ZSCAN2: variants seen among roughly 807,000 people sequenced by gnomAD.
ZSCAN2 encodes zinc finger and SCAN domain containing 2.
Under a neutral mutation model 47.8 loss-of-function variants are expected in ZSCAN2, and 26 were observed. That is an observed-to-expected ratio of 0.54 (90% CI 0.40 to 0.75). The LOEUF is 0.75. Ranked by LOEUF, ZSCAN2 falls within the 30% of genes least tolerant of loss-of-function variation. The probability of loss-of-function intolerance (pLI) is 0.00; values close to 1 mark genes in which losing one functional copy is unlikely to be tolerated. For missense variants in ZSCAN2, 732 were observed against 785.4 expected (o/e 0.93, Z 0.81); for synonymous variants, 305 against 288.7 (o/e 1.06, Z -0.57).
At chr15:84,615,752 T>A (rs1205075420) in intron 2 of ZSCAN2, among the ~76,000 whole-genome samples, 1 of 152,208 alleles carries the variant, frequency 6.6e-6, no homozygotes, top group Non-Finnish European at 1.5e-5. Flanking sequence ...CCTATTCCCA[T>A]TGCGCTCCTT....
chr15:84,622,242 T>C lies in ZSCAN2; in HGVS notation c.*202T>C. 1 of 604,960 alleles carries C rather than the reference T, an allele frequency of 1.7e-6. No homozygotes were observed. Among genetic ancestry groups the C allele is most frequent in the Non-Finnish European group, 3.0e-6 (1 of 337,892 alleles). The allele number at this position is 604,960 out of a possible 1,614,324, so 37.5% of individuals were successfully genotyped here. A position where few individuals can be genotyped will look rare whatever the true frequency, so the allele number is the denominator to read the frequency against. On this transcript the variant is annotated 3_prime_UTR_variant, in exon 3 of 3. Transcript: ENST00000546148. ...CCCGTATACATTCAAGAACAGGGCATAGGCGTGGAAGGTCTGGAAAGTTGG... is the reference window on the plus strand; with the variant it reads ...CCCGTATACATTCAAGAACAGGGCACAGGCGTGGAAGGTCTGGAAAGTTGG...
In ZSCAN2 at chr15:84,621,412, T is replaced by C. The variant is rs202006776; in HGVS notation, c.1217T>C (p.Ile406Thr). 1.6e-4 allele frequency: 265 copies of C among 1,613,860 alleles called. No homozygotes were observed. The highest frequency in any genetic ancestry group is 9.9e-4 in the Middle Eastern group (6 of 6,062). Residue 406 changes from isoleucine to threonine, a missense_variant, in exon 3 of 3, where the codon ATC becomes ACC. This residue lies in a region of ZSCAN2 where 412 missense variants were observed against 498.0 expected (regional missense o/e 0.83). Coordinates refer to ENST00000546148, the MANE Select transcript of ZSCAN2 (RefSeq NM_181877.4). The surrounding 1 kb of genome is among the most constrained non-coding windows in gnomAD (Gnocchi z 5.7). Reference protein sequence around the residue: ...GQRFSQSSALITHRRTHTGEK... With the variant: ...GQRFSQSSALTTHRRTHTGEK... ...AGGTTCAGCCAGAGTTCAGCCCTCATCACCCACCGGAGAACCCACACAGGA... is the reference window on the plus strand; with the variant it reads ...AGGTTCAGCCAGAGTTCAGCCCTCACCACCCACCGGAGAACCCACACAGGA...
At chr15:84,613,856 A>G (rs921739074) in intron 2 of ZSCAN2, among the ~76,000 whole-genome samples, 3 of 150,008 alleles carry the variant, frequency 2.0e-5, no homozygotes, top group Admixed American at 6.6e-5. Flanking sequence ...TCATTTTTGT[A>G]TTTTTAGTAG....
In ZSCAN2 at chr15:84,604,120, C is replaced by T; in HGVS notation, c.193C>T (p.Pro65Ser). The change falls in exon 2 of 3, where the codon CCC (proline) becomes TCC (serine). Residue 65 changes from proline to serine, a missense_variant. Coordinates refer to ENST00000546148, the MANE Select transcript of ZSCAN2 (RefSeq NM_181877.4). ...PFPQSAGKGG[P>S]QEEVTRGPQG... ...TCCCCAGAGTGCTGGCAAGGGCGGC[C>T]CCCAGGAGGAGGTGACCAGGGGACC... 2 of 1,613,990 alleles carry T rather than the reference C, an allele frequency of 1.2e-6. No homozygotes were observed. Among genetic ancestry groups the T allele is most frequent in the Non-Finnish European group, 1.7e-6 (2 of 1,179,964 alleles).
In ZSCAN2 at chr15:84,623,046, A is replaced by C. The variant is rs1895848483; in HGVS notation, c.*1006A>C. On this transcript the variant is annotated 3_prime_UTR_variant, in exon 3 of 3. Coordinates refer to ENST00000546148, the MANE Select transcript of ZSCAN2 (RefSeq NM_181877.4). The stretch of plus-strand genomic sequence containing the variant: ...TTTATTTTTTATTTGATATATGCCG[A>C]GCTAGAATCCTGTCGGGTAGCTTTT... The C allele has an allele frequency of 4.8e-6, 1 of 210,156 alleles. No homozygotes were observed. Among genetic ancestry groups the C allele is most frequent in the African/African-American group, 2.3e-5 (1 of 42,876 alleles). The allele number at this position is 210,156 out of a possible 1,614,324, so 13.0% of individuals were successfully genotyped here.
chr15:84,614,213 A>G (rs1035200202), intron 2 of ZSCAN2, among the ~76,000 whole-genome samples: 5 of 151,602 alleles, frequency 3.3e-5, no homozygotes, highest in African/African-American at 1.2e-4. Flanking sequence ...GCTGGTCTTG[A>G]ACTCCTGGCC....
Position 84,604,006 on chromosome 15 carries a change from G to A in ZSCAN2, c.79G>A (p.Glu27Lys). The change falls in exon 2 of 3, where the codon GAG (glutamate) becomes AAG (lysine). Residue 27 changes from glutamate (E) to lysine (K), a missense_variant. Physicochemically the swap from Glu to Lys is moderately conservative, Grantham distance 56. Around this residue, in one of 2 missense-constraint regions of ZSCAN2, gnomAD observed 320 missense variants for 287.4 expected, o/e 1.11. Transcript: ENST00000546148. ...GGTGCCTCAAGAGGAAGATAGACAG[G>A]AGGAGGAGGTCACCACCATGATCCT... ...VQVPQEEDRQ[E>K]EEVTTMILED... is the part of the protein sequence containing the mutation. 6.2e-7 allele frequency: 1 copy of A among 1,614,132 alleles called. No homozygotes were observed.
rs537067408 is a variant in ZSCAN2, at chr15:84,614,901, C to T, written c.407-5701C>T. On this transcript the variant is annotated intron_variant, in intron 2 of 2. Transcript: ENST00000546148. Reference sequence around the variant, plus strand: ...CACCCTGGGTTAGTTTTTGTTGGCCCATGGTGTAACTTTCACATGTTCTTA... The same window carrying T: ...CACCCTGGGTTAGTTTTTGTTGGCCTATGGTGTAACTTTCACATGTTCTTA... 3 of 152,038 alleles carry T rather than the reference C, an allele frequency of 2.0e-5. No homozygotes were observed. The East Asian group carries it at 5.8e-4, about 30-fold the overall frequency. 9.4% of individuals were successfully genotyped at this position (152,038 alleles called of 1,614,324 possible).
At chr15:84,605,337 G>A (rs917316803) in intron 2 of ZSCAN2, among the ~76,000 whole-genome samples, 1 of 152,158 alleles carries the variant, frequency 6.6e-6, no homozygotes, top group Admixed American at 6.6e-5. Context: ...GGCTGCCTTT[G>A]TGCTGATGAA....
At chr15:84,606,554 G>T in intron 2 of ZSCAN2, 1 of 1,613,918 alleles carries the variant, frequency 6.2e-7, no homozygotes, top group Non-Finnish European at 8.5e-7. Flanking sequence ...CTTCCCTTCC[G>T]GTGGAGGTGA....
At position 84,622,629 on chromosome 15, in the gene ZSCAN2, AC is replaced by A; in HGVS notation, c.*592del. 4.2e-6 allele frequency: 3 copies of A among 717,314 alleles called. No homozygotes were observed. The highest frequency in any genetic ancestry group is 5.4e-5 in the East Asian group (2 of 37,284). 44.4% of individuals were successfully genotyped at this position (717,314 alleles called of 1,614,324 possible). A position where few individuals can be genotyped will look rare whatever the true frequency, so the allele number is the denominator to read the frequency against. ...CTGAGTCACCCACGTGAAGGTAAAG[AC>A]CCTTTCTATTTCCAGAAAGTGTCAG... On this transcript the variant is annotated 3_prime_UTR_variant, in exon 3 of 3. Coordinates refer to ENST00000546148, the MANE Select transcript of ZSCAN2 (RefSeq NM_181877.4).
At chr15:84,616,203 C>CTCCA in intron 2 of ZSCAN2, 1 of 739,648 alleles carries the variant, frequency 1.4e-6, no homozygotes, top group South Asian at 1.5e-5. Context: ...TGCCACTGCA[C>CTCCA]TCCAGCCTGG....
intron 1 of ZSCAN2, among the ~76,000 whole-genome samples, chr15:84,603,446 G>A (rs1215841368): frequency 6.7e-6 from 1 of 149,446 alleles, no homozygotes; most frequent in Admixed American, 6.8e-5. Context: ...TGTGCTCACT[G>A]CAACCTCCGC....
chr15:84,620,615 G>C lies in ZSCAN2; in HGVS notation c.420G>C (p.Gln140His). The change falls in exon 3 of 3, where the codon CAG becomes CAC. Residue 140 changes from glutamine to histidine, a missense_variant. Transcript: ENST00000546148. ...QTLQDSDFEI[Q>H]SENGENCNQD... ...TCATTGTTTCAGATTTTGAGATACA[G>C]AGTGAAAATGGGGAGAACTGTAATC... 1 of 1,600,998 alleles carries C rather than the reference G, an allele frequency of 6.2e-7. No individual in the cohort carries two copies. The highest frequency in any genetic ancestry group is 2.2e-5 in the East Asian group (1 of 44,494).
chr15:84,621,013 C>G lies in ZSCAN2; in HGVS notation c.818C>G (p.Thr273Ser). 1 of 1,614,030 alleles carries G rather than the reference C, an allele frequency of 6.2e-7. No homozygotes were observed. The stretch of plus-strand genomic sequence containing the variant: ...TTTAGTAGACACCAAACCACTCACA[C>G]CGGGGAGAAGCCCTACAAATGCAGA... ...SNFSRHQTTH[T>S]GEKPYKCRDC... The change falls in exon 3 of 3, where the codon ACC becomes AGC. Residue 273 changes from threonine (T) to serine (S), a missense_variant. By Grantham distance (58) the Thr-to-Ser change is moderately conservative (BLOSUM62 1). Transcript: ENST00000546148. The surrounding 1 kb of genome is among the most constrained non-coding windows in gnomAD (Gnocchi z 5.7).
Position 84,622,035 on chromosome 15 carries a change from T to C in ZSCAN2, c.1840T>C (p.Tyr614His), listed in dbSNP as rs148777436. The change falls in exon 3 of 3, where the codon TAT (tyrosine) becomes CAT (histidine). Residue 614 changes from tyrosine (Y) to histidine (H), a missense_variant. Coordinates refer to ENST00000546148, the MANE Select transcript of ZSCAN2 (RefSeq NM_181877.4). ...HQRTHMKEKL[Y>H] ...GAGAACTCACATGAAAGAGAAACTTTATTGAAGTGGCAAAGAGTGAAAGTG... is the reference window on the plus strand; with the variant it reads ...GAGAACTCACATGAAAGAGAAACTTCATTGAAGTGGCAAAGAGTGAAAGTG... The C allele has an allele frequency of 5.0e-6, 8 of 1,598,080 alleles. No homozygotes were observed. Among genetic ancestry groups the C allele is most frequent in the South Asian group, 4.5e-5 (4 of 88,760 alleles).
chr15:84,621,481 G>A lies in ZSCAN2; in HGVS notation c.1286G>A (p.Arg429His), dbSNP rs1435091135. ...AGCGAGTGTGGGAAAAGCTTCAGCCGCAGCTCTAACCTGGCCACACACCGG... is the reference window on the plus strand; with the variant it reads ...AGCGAGTGTGGGAAAAGCTTCAGCCACAGCTCTAACCTGGCCACACACCGG... ...QCSECGKSFS[R>H]SSNLATHRRT... The change falls in exon 3 of 3, where the codon CGC becomes CAC. Residue 429 changes from arginine to histidine, a missense_variant. Arg to His is a conservative substitution (Grantham distance 29). Transcript: ENST00000546148. The surrounding 1 kb of genome is among the most constrained non-coding windows in gnomAD (Gnocchi z 5.7). 7 of 1,609,698 alleles carry A rather than the reference G, an allele frequency of 4.3e-6. No individual in the cohort carries two copies. Among genetic ancestry groups the A allele is most frequent in the South Asian group, 1.1e-5 (1 of 90,902 alleles).
In ZSCAN2 at chr15:84,621,491, C is replaced by T; in HGVS notation, c.1296C>T (p.Asn432=). 1.9e-6 allele frequency: 3 copies of T among 1,612,758 alleles called. No homozygotes were observed. Among genetic ancestry groups the T allele is most frequent in the Non-Finnish European group, 2.5e-6 (3 of 1,179,720 alleles). The stretch of plus-strand genomic sequence containing the variant: ...GGAAAAGCTTCAGCCGCAGCTCTAA[C>T]CTGGCCACACACCGGAGAACCCACA... ...ECGKSFSRSS[N]LATHRRTHMV... Residue 432 remains asparagine (N), a synonymous_variant, in exon 3 of 3, where the codon AAC becomes AAT. Transcript: ENST00000546148. The surrounding 1 kb of genome is among the most constrained non-coding windows in gnomAD (Gnocchi z 5.7).
Position 84,621,877 on chromosome 15 carries a change from C to T in ZSCAN2, c.1682C>T (p.Pro561Leu), listed in dbSNP as rs771908802. 2.5e-6 allele frequency: 4 copies of T among 1,614,080 alleles called. No individual in the cohort carries two copies. Among genetic ancestry groups the T allele is most frequent in the Non-Finnish European group, 3.4e-6 (4 of 1,180,008 alleles). ...AHLGDKPYRC[P>L]ECGKGFSWNS... The stretch of plus-strand genomic sequence containing the variant: ...TTGGGAGACAAGCCCTACAGGTGCC[C>T]TGAGTGTGGGAAAGGCTTTAGCTGG... The change falls in exon 3 of 3, where the codon CCT (proline) becomes CTT (leucine). Residue 561 changes from proline (P) to leucine (L), a missense_variant. Around this residue, in one of 2 missense-constraint regions of ZSCAN2, gnomAD observed 412 missense variants for 498.0 expected, o/e 0.83. Coordinates refer to ENST00000546148, the MANE Select transcript of ZSCAN2 (RefSeq NM_181877.4). The surrounding 1 kb of genome is among the most constrained non-coding windows in gnomAD (Gnocchi z 5.7).
Sources: allele counts gnomAD v4.1 joint callset (sites outside exome capture counted in the v4.1 genomes callset), GRCh38; gene constraint gnomAD v4.1.1; regional missense constraint gnomAD v4.1.1; non-coding constraint Gnocchi (gnomAD v3.1); transcripts MANE v1.5; gene names NCBI Gene and HGNC (gene_info 2026-07-23, HGNC 2026-07-21).